The following NFIA variants were observed in gnomAD, a reference collection of about 807,000 sequenced individuals.
The protein encoded by NFIA is nuclear factor 1 A-type.
Under a neutral mutation model 62.8 loss-of-function variants are expected in NFIA, and 8 were observed. The observed-to-expected ratio is 0.13, with a 90% CI of 0.07 to 0.23. The LOEUF (loss-of-function observed/expected upper bound fraction) is 0.23. NFIA is among the 10% of genes least tolerant of loss of function. NFIA has a pLI of 1.00. For synonymous variants in NFIA, 235 were observed against 238.1 expected (o/e 0.99, Z 0.12); for missense variants, 410 against 642.1 (o/e 0.64, Z 3.91).
intron 2 of NFIA, among the ~76,000 whole-genome samples, chr1:61,182,355 A>G (rs554788245): frequency 3.3e-5 from 5 of 152,328 alleles, no homozygotes; most frequent in African/African-American, 1.2e-4. Flanking sequence ...AAGGTCGAAC[A>G]CAGATCAAAC....
Position 61,082,664 on chromosome 1 carries a change from C to A in NFIA, c.-128C>A. 1 of 1,495,416 alleles carries A rather than the reference C, an allele frequency of 6.7e-7. No homozygotes were observed. Among genetic ancestry groups the A allele is most frequent in the Non-Finnish European group, 8.9e-7 (1 of 1,118,478 alleles). 92.6% of individuals were successfully genotyped at this position (1,495,416 alleles called of 1,614,324 possible). A position where few individuals can be genotyped will look rare whatever the true frequency, so the allele number is the denominator to read the frequency against. Reference sequence around the variant, plus strand: ...CAAGAAGCAGGCTTGATTTTTTTTTCTCCCCCCTTCTCTCTCTCTCTCTCT... The same window carrying A: ...CAAGAAGCAGGCTTGATTTTTTTTTATCCCCCCTTCTCTCTCTCTCTCTCT... On this transcript the variant is annotated 5_prime_UTR_variant, in exon 1 of 11. Transcript: ENST00000403491.
intron 10 of NFIA, among the ~76,000 whole-genome samples, chr1:61,432,330 C>G (rs1479615669): frequency 6.6e-6 from 1 of 151,126 alleles, no homozygotes; most frequent in East Asian, 2.0e-4. Context: ...GACTCCTTTA[C>G]TGCTGCACAA....
intron 2 of NFIA, among the ~76,000 whole-genome samples, chr1:61,109,513 T>G (rs1490878815): frequency 6.6e-6 from 1 of 151,886 alleles, no homozygotes; most frequent in Non-Finnish European, 1.5e-5. Flanking sequence ...GGTGTGTTCT[T>G]TATTTTATTT....
intron 3 of NFIA, among the ~76,000 whole-genome samples, chr1:61,299,716 T>G (rs1659392874): frequency 6.6e-6 from 1 of 152,152 alleles, no homozygotes; most frequent in African/African-American, 2.4e-5. Flanking sequence ...ATAAGCTGTT[T>G]GTATTACAAT....
intron 2 of NFIA, among the ~76,000 whole-genome samples, chr1:61,275,975 G>A (rs1476423215): frequency 6.6e-6 from 1 of 151,624 alleles, no homozygotes; most frequent in African/African-American, 2.4e-5. Context: ...TATTTTTGTA[G>A]TTTATTCTGA....
intron 2 of NFIA, among the ~76,000 whole-genome samples, chr1:61,167,064 C>G (rs1330937555): frequency 1.9e-4 from 29 of 152,148 alleles, no homozygotes; most frequent in Non-Finnish European, 4.4e-5. Flanking sequence ...TGGCATGAAC[C>G]CAGGAGGTGG....
At chr1:61,114,326 ATTTTT>A (rs951837302) in intron 2 of NFIA, among the ~76,000 whole-genome samples, 1 of 146,484 alleles carries the variant, frequency 6.8e-6, no homozygotes, top group Non-Finnish European at 1.5e-5. Flanking sequence ...TCTTAAAAAA[ATTTTT>A]TTTTTTTAGT....
intron 2 of NFIA, among the ~76,000 whole-genome samples, chr1:61,107,915 A>G (rs1166739151): frequency 6.6e-6 from 1 of 151,566 alleles, no homozygotes; most frequent in Non-Finnish European, 1.5e-5. Context: ...TAATTTCTCT[A>G]TTCCCCAAAT....
At chr1:61,153,630 C>T (rs1249519198) in intron 2 of NFIA, among the ~76,000 whole-genome samples, 2 of 152,140 alleles carry the variant, frequency 1.3e-5, no homozygotes, top group Admixed American at 6.5e-5. Context: ...CTAGCTTGTT[C>T]AGTTGTTTCA....
intron 2 of NFIA, among the ~76,000 whole-genome samples, chr1:61,231,048 G>A (rs1654642646): frequency 6.6e-6 from 1 of 152,170 alleles, no homozygotes; most frequent in Non-Finnish European, 1.5e-5. Flanking sequence ...ACATTATACT[G>A]TAGCTACTAG....
At chr1:61,232,962 G>A (rs1363805659) in intron 2 of NFIA, among the ~76,000 whole-genome samples, 2 of 151,950 alleles carry the variant, frequency 1.3e-5, no homozygotes, top group Non-Finnish European at 2.9e-5. Flanking sequence ...GTTCTGGTTT[G>A]TTCTATTTTT....
intron 6 of NFIA, among the ~76,000 whole-genome samples, chr1:61,368,134 A>G (rs9436639): frequency 0.015 from 2,300 of 152,330 alleles, 59 homozygotes; most frequent in African/African-American, 0.052. Context: ...CTGAATAAAT[A>G]AATTACCCAA....
chr1:61,292,534 C>T (rs1363435305), intron 3 of NFIA, among the ~76,000 whole-genome samples: 3 of 152,132 alleles, frequency 2.0e-5, no homozygotes, highest in Non-Finnish European at 4.4e-5. Flanking sequence ...AGTACATATT[C>T]TAGCAAAGGA....
chr1:61,277,641 G>A (rs1252624408), intron 3 of NFIA, 56 bp downstream of exon 3: 13 of 1,579,514 alleles, frequency 8.2e-6, no homozygotes, highest in Non-Finnish European at 1.1e-5. Flanking sequence ...CAGCCAGCAG[G>A]CCGACTAAGT....
chr1:61,254,189 C>T (rs1159869397), intron 2 of NFIA, among the ~76,000 whole-genome samples: 1 of 152,120 alleles, frequency 6.6e-6, no homozygotes, highest in African/African-American at 2.4e-5. Context: ...AGAGGTTAGC[C>T]CACCTAAGTT....
intron 2 of NFIA, among the ~76,000 whole-genome samples, chr1:61,260,296 C>T (rs550539224): frequency 1.4e-4 from 22 of 152,302 alleles, no homozygotes; most frequent in African/African-American, 4.6e-4. Flanking sequence ...GCAGACTTTT[C>T]GAGCAGTGAG....
intron 7 of NFIA, among the ~76,000 whole-genome samples, chr1:61,395,115 A>G (rs1476277560): frequency 6.6e-6 from 1 of 152,036 alleles, no homozygotes; most frequent in African/African-American, 2.4e-5. Flanking sequence ...TCAGAGAGAG[A>G]GAGAGAGAGA....
chr1:61,239,129 T>G (rs1185533721), intron 2 of NFIA, among the ~76,000 whole-genome samples: 1 of 152,222 alleles, frequency 6.6e-6, no homozygotes, highest in African/African-American at 2.4e-5. Flanking sequence ...TTTCTCACGT[T>G]CCTTTTGCAT....
intron 2 of NFIA, among the ~76,000 whole-genome samples, chr1:61,258,519 T>G (rs918378419): frequency 6.6e-5 from 10 of 151,962 alleles, no homozygotes; most frequent in Non-Finnish European, 1.5e-4. Flanking sequence ...AGTCCCAACA[T>G]GGTTGTTTTA....
Sources: allele counts gnomAD v4.1 joint callset (sites outside exome capture counted in the v4.1 genomes callset), GRCh38; gene constraint gnomAD v4.1.1; transcripts MANE v1.5; gene names NCBI Gene and HGNC (gene_info 2026-07-23, HGNC 2026-07-21).